SMYD3: variants seen among roughly 807,000 people sequenced by gnomAD.
SMYD3 encodes the protein SET and MYND domain containing 3.
Under a neutral mutation model 57.7 loss-of-function variants are expected in SMYD3, and 36 were observed. The ratio of observed to expected loss-of-function variants is 0.62; its 90% confidence interval spans 0.48 to 0.82. SMYD3 has a LOEUF of 0.82. Among genes scored for constraint, SMYD3 ranks in the 40% least tolerant of loss-of-function variants. The pLI, the probability that SMYD3 is intolerant of heterozygous loss-of-function variation, is 0.00. For synonymous variants in SMYD3, 211 were observed against 195.0 expected (o/e 1.08, Z -0.68); for missense variants, 515 against 538.8 (o/e 0.96, Z 0.44).
At chr1:246,356,662 G>A (rs570320530) in intron 1 of SMYD3, among the ~76,000 whole-genome samples, 17 of 152,124 alleles carry the variant, frequency 1.1e-4, no homozygotes, top group Non-Finnish European at 2.4e-4. Flanking sequence ...GAAAGTCTCA[G>A]CAACAGAATC....
At chr1:245,819,202 C>T (rs2049019017) in intron 10 of SMYD3, among the ~76,000 whole-genome samples, 1 of 138,986 alleles carries the variant, frequency 7.2e-6, no homozygotes, top group Admixed American at 7.4e-5. Flanking sequence ...ATCTCTCAGA[C>T]CACAGTGCAA....
chr1:246,273,575 CTTTT>C (rs75025399), intron 5 of SMYD3, among the ~76,000 whole-genome samples: 3 of 84,386 alleles, frequency 3.6e-5, no homozygotes, highest in South Asian at 5.6e-4. Context: ...TTTCACTAAT[CTTTT>C]TTTTTTTTTT....
chr1:245,775,096 G>T (rs74616210), intron 10 of SMYD3, among the ~76,000 whole-genome samples: 1 of 151,812 alleles, frequency 6.6e-6, no homozygotes, highest in African/African-American at 2.4e-5. Context: ...CCAAAGAGCC[G>T]AGATTGCAGC....
At chr1:246,268,914 T>C (rs559082779) in intron 5 of SMYD3, among the ~76,000 whole-genome samples, 1 of 151,854 alleles carries the variant, frequency 6.6e-6, no homozygotes, top group Admixed American at 6.6e-5. Context: ...TGCAACACTA[T>C]CACTGTTAAT....
At chr1:245,921,546 G>GATATAT (rs2055930181) in intron 7 of SMYD3, among the ~76,000 whole-genome samples, 1 of 24,592 alleles carries the variant, frequency 4.1e-5, no homozygotes, top group African/African-American at 1.1e-4. Flanking sequence ...TAAAAAATGT[G>GATATAT]GTGTATATAT....
chr1:245,989,420 C>T (rs531233685), intron 5 of SMYD3, among the ~76,000 whole-genome samples: 10 of 152,354 alleles, frequency 6.6e-5, no homozygotes, highest in African/African-American at 2.4e-4. Flanking sequence ...TTGAAGACAA[C>T]ACCCCCTTCC....
intron 1 of SMYD3, among the ~76,000 whole-genome samples, chr1:246,415,332 C>A (rs1027936513): frequency 1.3e-5 from 2 of 152,106 alleles, no homozygotes; most frequent in Admixed American, 6.6e-5. Flanking sequence ...TGTGGGCTCA[C>A]CCCCCACTTC....
rs192149956 is a variant in SMYD3 at position 246,186,203 on chromosome 1, A to G, written c.531+140998T>C. Among the ~76,000 whole-genome samples, 237 of 152,372 alleles carry G rather than the reference A, an allele frequency of 1.6e-3. 1 individual carries two copies. The highest frequency in any genetic ancestry group is 5.4e-3 in the African/African-American group (225 of 41,592). The stretch of plus-strand genomic sequence containing the variant: ...CATATAAAAGATTTAACTCACTAGA[A>G]AATGAGTAAGATGCTAAGTCTGATT... On this transcript the variant is annotated intron_variant, in intron 5 of 11. Coordinates refer to ENST00000490107, the MANE Select transcript of SMYD3 (RefSeq NM_001167740.2).
intron 1 of SMYD3, among the ~76,000 whole-genome samples, chr1:246,386,920 A>C (rs1163538128): frequency 1.3e-5 from 2 of 152,120 alleles, no homozygotes; most frequent in Non-Finnish European, 2.9e-5. Context: ...TTGTGCACAG[A>C]ATATGAAAAA....
intron 5 of SMYD3, among the ~76,000 whole-genome samples, chr1:246,101,947 C>A (rs192885755): frequency 6.6e-6 from 1 of 152,198 alleles, no homozygotes; most frequent in East Asian, 1.9e-4. Context: ...GTTCGGCCTA[C>A]GTAAATACCT....
chr1:246,027,134 A>G (rs1208653904), intron 5 of SMYD3, among the ~76,000 whole-genome samples: 1 of 152,208 alleles, frequency 6.6e-6, no homozygotes, highest in African/African-American at 2.4e-5. Context: ...TAAATTCTAT[A>G]AAGGCTGAGA....
chr1:246,235,315 A>G (rs946882663), intron 5 of SMYD3, among the ~76,000 whole-genome samples: 2 of 152,206 alleles, frequency 1.3e-5, no homozygotes, highest in South Asian at 2.1e-4. Context: ...ATTAGTCTCA[A>G]TTTCTACTGG....
At chr1:245,899,749 C>G (rs892046292) in intron 8 of SMYD3, among the ~76,000 whole-genome samples, 2 of 152,182 alleles carry the variant, frequency 1.3e-5, no homozygotes, top group Non-Finnish European at 2.9e-5. Context: ...TCCACAGACT[C>G]AGTAAAGGAG....
At chr1:245,762,839 G>A (rs955878186) in intron 11 of SMYD3, among the ~76,000 whole-genome samples, 12 of 152,154 alleles carry the variant, frequency 7.9e-5, no homozygotes, top group African/African-American at 1.9e-4. Context: ...CAACCCTGAC[G>A]CCCGATCCTT....
intron 5 of SMYD3, among the ~76,000 whole-genome samples, chr1:246,002,296 T>A (rs1196673541): frequency 1.8e-5 from 2 of 111,812 alleles, no homozygotes; most frequent in African/African-American, 2.9e-5. Flanking sequence ...GCCATTCTCC[T>A]GCCTCAGCCT....
intron 5 of SMYD3, among the ~76,000 whole-genome samples, chr1:246,118,881 C>G (rs1390142604): frequency 1.3e-5 from 2 of 150,540 alleles, no homozygotes; most frequent in Admixed American, 6.7e-5. Context: ...GCTCCAGCAG[C>G]CACCTTGAAC....
At chr1:245,915,718 A>T (rs1042089103) in intron 7 of SMYD3, 78 bp from the exon 8 acceptor site, 2 of 927,706 alleles carry the variant, frequency 2.2e-6, no homozygotes, top group African/African-American at 3.3e-5. Context: ...TATTATTGCT[A>T]ATTATTGGAG....
intron 10 of SMYD3, among the ~76,000 whole-genome samples, chr1:245,782,920 C>T (rs1295161980): frequency 6.6e-6 from 1 of 152,120 alleles, no homozygotes; most frequent in Non-Finnish European, 1.5e-5. Flanking sequence ...AAAAGAGTGA[C>T]AAGGACCCTT....
intron 5 of SMYD3, among the ~76,000 whole-genome samples, chr1:245,940,863 C>T (rs1322293458): frequency 1.3e-5 from 2 of 152,194 alleles, no homozygotes; most frequent in African/African-American, 4.8e-5. Context: ...TAATAACGAA[C>T]TTCACTGAGT....
Sources: gnomAD v4.1 joint callset for allele counts (sites outside exome capture counted in the v4.1 genomes callset) on GRCh38, gnomAD v4.1.1 for gene constraint, MANE v1.5 for transcripts, NCBI Gene and HGNC (gene_info 2026-07-23, HGNC 2026-07-21) for gene names.